Variants in RORA observed in about 807,000 individuals in gnomAD.
RORA encodes RAR related orphan receptor A.
In RORA, 7 loss-of-function variants were observed where a neutral mutation model predicts 69.5. The observed-to-expected ratio is 0.10, with a 90% CI of 0.06 to 0.19. The LOEUF is 0.19. Ranked by LOEUF, RORA falls within the 10% of genes least tolerant of loss-of-function variation. The probability of loss-of-function intolerance (pLI) is 1.00; values close to 1 mark genes in which losing one functional copy is unlikely to be tolerated. For synonymous variants in RORA, 261 were observed against 240.8 expected (o/e 1.08, Z -0.78); for missense variants, 457 against 663.0 (o/e 0.69, Z 3.41).
intron 2 of RORA, among the ~76,000 whole-genome samples, chr15:60,607,395 C>T (rs544797888): frequency 3.9e-5 from 6 of 152,196 alleles, no homozygotes; most frequent in East Asian, 1.9e-4. Context: ...TATAGAAATA[C>T]GCTGCAGAAA....
At chr15:60,727,742 T>C (rs1467099622) in intron 1 of RORA, among the ~76,000 whole-genome samples, 1 of 152,152 alleles carries the variant, frequency 6.6e-6, no homozygotes, top group Admixed American at 6.5e-5. Flanking sequence ...GCCATCGCTC[T>C]TATCCCACCT....
chr15:60,565,870 G>A (rs1039620041), intron 2 of RORA, among the ~76,000 whole-genome samples: 1 of 152,112 alleles, frequency 6.6e-6, no homozygotes, highest in Non-Finnish European at 1.5e-5. Flanking sequence ...GGTATTTGAC[G>A]GATTTATGAA....
chr15:60,627,121 T>C, intron 2 of RORA: 1 of 881,568 alleles, frequency 1.1e-6, no homozygotes. Context: ...CATCTTTTCC[T>C]TCACTCGTCA....
intron 1 of RORA, among the ~76,000 whole-genome samples, chr15:60,981,099 ATT>A (rs35466644): frequency 6.8e-6 from 1 of 146,580 alleles, no homozygotes; most frequent in African/African-American, 2.5e-5. Context: ...GGTTTACAGT[ATT>A]TTTTTTTTTT....
At chr15:60,667,391 G>A (rs1256484960) in intron 2 of RORA, among the ~76,000 whole-genome samples, 1 of 151,828 alleles carries the variant, frequency 6.6e-6, no homozygotes, top group South Asian at 2.1e-4. Flanking sequence ...CCTGGCCACT[G>A]AGAAACGAAA....
chr15:60,624,208 C>T (rs1249972841), intron 2 of RORA, among the ~76,000 whole-genome samples: 1 of 151,514 alleles, frequency 6.6e-6, no homozygotes, highest in East Asian at 1.9e-4. Flanking sequence ...ATTTTTTCCA[C>T]CTTTCCTTCC....
At chr15:60,643,633 G>C (rs1033057398) in intron 2 of RORA, among the ~76,000 whole-genome samples, 1 of 152,196 alleles carries the variant, frequency 6.6e-6, no homozygotes, top group African/African-American at 2.4e-5. Flanking sequence ...TATAACTCCA[G>C]GCAGAAGCTG....
Position 60,534,272 on chromosome 15 carries a change from T to C in RORA, c.197-2421A>G, listed in dbSNP as rs950367658. ...TCCACCCTTGGAATGGCTCATGTCC[T>C]GGCAGGGGTGAGGGTAGGGGTGCGG... On this transcript the variant is annotated intron_variant, in intron 2 of 10. Coordinates refer to ENST00000335670, the MANE Select transcript of RORA (RefSeq NM_134261.3). The surrounding 1 kb of genome is among the most constrained non-coding windows in gnomAD (Gnocchi z 5.0). Among the ~76,000 whole-genome samples the C allele has an allele frequency of 2.6e-5, 4 of 152,146 alleles. No individual in the cohort carries two copies. Among genetic ancestry groups the C allele is most frequent in the African/African-American group, 9.7e-5 (4 of 41,434 alleles).
At chr15:61,111,202 C>T (rs1175570710) in intron 1 of RORA, among the ~76,000 whole-genome samples, 2 of 152,122 alleles carry the variant, frequency 1.3e-5, no homozygotes, top group African/African-American at 4.8e-5. Flanking sequence ...ATGTGATTTC[C>T]AGAGAAGAAT....
intron 1 of RORA, among the ~76,000 whole-genome samples, chr15:61,043,052 G>A (rs1184826838): frequency 2.6e-5 from 4 of 152,212 alleles, no homozygotes; most frequent in East Asian, 3.8e-4. Flanking sequence ...TGACAATGGC[G>A]ATGATGGTGA....
At chr15:60,812,938 C>A (rs1205298212) in intron 1 of RORA, among the ~76,000 whole-genome samples, 2 of 152,180 alleles carry the variant, frequency 1.3e-5, no homozygotes, top group African/African-American at 4.8e-5. Flanking sequence ...AGTGACACCA[C>A]CAAGGCAACG....
intron 1 of RORA, chr15:61,193,986 T>C (rs1372693846): frequency 1.3e-5 from 2 of 151,916 alleles, no homozygotes; most frequent in Non-Finnish European, 2.9e-5. Flanking sequence ...CCCTGGGGAG[T>C]ATGCTTTTAC....
chr15:60,667,755 G>A (rs548670841), intron 2 of RORA, among the ~76,000 whole-genome samples: 2 of 152,070 alleles, frequency 1.3e-5, no homozygotes, highest in South Asian at 2.1e-4. Flanking sequence ...GAGTAGCTGG[G>A]ACTATAGGCA....
intron 2 of RORA, among the ~76,000 whole-genome samples, chr15:60,588,438 G>T (rs944793114): frequency 7.8e-6 from 1 of 128,700 alleles, no homozygotes; most frequent in Admixed American, 7.9e-5. Context: ...ATCTACCTCT[G>T]CAAATCTATT....
chr15:61,098,419 A>G (rs749368098), intron 1 of RORA, among the ~76,000 whole-genome samples: 1 of 151,702 alleles, frequency 6.6e-6, no homozygotes, highest in African/African-American at 2.4e-5. Context: ...ACAGCTCACT[A>G]CAGCCTCAAA....
intron 1 of RORA, among the ~76,000 whole-genome samples, chr15:61,015,345 T>G (rs1308618581): frequency 2.0e-5 from 3 of 152,168 alleles, no homozygotes; most frequent in Admixed American, 6.5e-5. Flanking sequence ...TAAAAATGCA[T>G]ATCAAAATGT....
At position 61,229,141 on chromosome 15, in the gene RORA, G is replaced by A. The variant is rs1193080779; in HGVS notation, c.78C>T (p.Ser26=). 3.3e-5 allele frequency: 51 copies of A among 1,543,434 alleles called. No individual in the cohort carries two copies. The highest frequency in any genetic ancestry group is 4.4e-5 in the Non-Finnish European group (50 of 1,145,122). ...GSSGADAAAG[S]RETPLNQESA... ...ATTCCTGGTTCAGCGGGGTCTCCCT[G>A]GAGCCGGCGGCCGCGTCCGCGCCGC... is the stretch of plus-strand genomic sequence containing the variant. Residue 26 remains serine (S), a synonymous_variant, in exon 1 of 11, where the codon TCC becomes TCT. Transcript: ENST00000335670.
At chr15:60,657,830 G>C (rs1230229904) in intron 2 of RORA, among the ~76,000 whole-genome samples, 2 of 152,170 alleles carry the variant, frequency 1.3e-5, no homozygotes, top group African/African-American at 4.8e-5. Flanking sequence ...ATCTCCTCCT[G>C]AGATGCTCTC....
chr15:61,125,240 A>C (rs933457946), intron 1 of RORA, among the ~76,000 whole-genome samples: 84 of 152,234 alleles, frequency 5.5e-4, no homozygotes, highest in Non-Finnish European at 1.0e-3. Context: ...GGCAAAAGGG[A>C]TAAGGATACT....
Sources: allele counts gnomAD v4.1 joint callset (sites outside exome capture counted in the v4.1 genomes callset), GRCh38; gene constraint gnomAD v4.1.1; non-coding constraint Gnocchi (gnomAD v3.1); transcripts MANE v1.5; gene names NCBI Gene and HGNC (gene_info 2026-07-23, HGNC 2026-07-21).